Variants in PLXNA2 observed in about 807,000 individuals in gnomAD.
PLXNA2 encodes the protein plexin-A2.
A neutral mutation model predicts 193.5 loss-of-function variants in PLXNA2; 91 were observed. The observed-to-expected ratio is 0.47, with a 90% CI of 0.40 to 0.56. The LOEUF is 0.56. PLXNA2 is among the 20% of genes least tolerant of loss of function. The pLI is 0.00. For synonymous variants in PLXNA2, 997 were observed against 1,027.3 expected (o/e 0.97, Z 0.56); for missense variants, 1,995 against 2,503.2 (o/e 0.80, Z 4.33).
At chr1:208,159,049 T>C (rs950724147) in intron 3 of PLXNA2, among the ~76,000 whole-genome samples, 1 of 152,186 alleles carries the variant, frequency 6.6e-6, no homozygotes, top group African/African-American at 2.4e-5. Flanking sequence ...ACAGGCTAGC[T>C]GGGCGATGGT....
intron 3 of PLXNA2, among the ~76,000 whole-genome samples, chr1:208,169,645 G>A (rs919599525): frequency 6.6e-6 from 1 of 152,228 alleles, no homozygotes; most frequent in African/African-American, 2.4e-5. Flanking sequence ...AGAGATTCTG[G>A]AGTGGAAGAA....
Position 208,060,734 on chromosome 1 carries a change from G to A in PLXNA2, c.2690C>T (p.Ala897Val), listed in dbSNP as rs776140179. ...FSEIAHHVQVAGVPCTPLPGE... is the reference protein window; with the variant it reads ...FSEIAHHVQVVGVPCTPLPGE... ...TGGGAGGGGCGTGCAGGGCACCCCA[G>A]CCACCTGCACATGGTGGGCGATCTC... The change falls in exon 13 of 32, where the codon GCT becomes GTT. Residue 897 changes from alanine (A) to valine (V), a missense_variant. Ala to Val is a moderately conservative substitution (Grantham distance 64). Transcript: ENST00000367033. 6.2e-7 allele frequency: 1 copy of A among 1,614,042 alleles called. No individual in the cohort carries two copies. The highest frequency in any genetic ancestry group is 8.5e-7 in the Non-Finnish European group (1 of 1,179,942).
Position 208,217,106 on chromosome 1 carries a change from C to A in PLXNA2, c.817G>T (p.Asp273Tyr). 1 of 1,614,160 alleles carries A rather than the reference C, an allele frequency of 6.2e-7. No individual in the cohort carries two copies. Among genetic ancestry groups the A allele is most frequent in the Non-Finnish European group, 8.5e-7 (1 of 1,180,040 alleles). ...ACGATGCGTGAGGTGTAGAAGAGGT[C>A]TCCAGCGGAGTTGATGGCCACACCC... is the stretch of plus-strand genomic sequence containing the variant. ...PEGVAINSAGDLFYTSRIVRL... is the reference protein window; with the variant it reads ...PEGVAINSAGYLFYTSRIVRL... The change falls in exon 2 of 32, where the codon GAC becomes TAC. Residue 273 changes from aspartate (D) to tyrosine (Y), a missense_variant. Physicochemically the swap from Asp to Tyr is radical, Grantham distance 160 (BLOSUM62 -3). Coordinates refer to ENST00000367033, the MANE Select transcript of PLXNA2 (RefSeq NM_025179.4). This position sits in a 1 kb window ranked among gnomAD's most constrained non-coding sequence, Gnocchi z 4.7.
intron 16 of PLXNA2, 71 bp from the exon 17 acceptor site, chr1:208,051,173 G>C: frequency 6.3e-7 from 1 of 1,592,470 alleles, no homozygotes; most frequent in Non-Finnish European, 8.6e-7. Flanking sequence ...TCCACCTTAG[G>C]GATCCCTCTC....
At chr1:208,135,126 G>A (rs974410429) in intron 4 of PLXNA2, among the ~76,000 whole-genome samples, 4 of 151,958 alleles carry the variant, frequency 2.6e-5, no homozygotes, top group East Asian at 3.9e-4. Flanking sequence ...CAGATACTGC[G>A]TAGGGTCTTC....
At chr1:208,188,754 C>T (rs1356790570) in intron 3 of PLXNA2, among the ~76,000 whole-genome samples, 3 of 151,448 alleles carry the variant, frequency 2.0e-5, no homozygotes, top group Non-Finnish European at 4.4e-5. Flanking sequence ...TGAATCCCAA[C>T]CTCTCAAGCT....
intron 28 of PLXNA2, among the ~76,000 whole-genome samples, chr1:208,032,553 A>G (rs1362013179): frequency 6.6e-6 from 1 of 152,240 alleles, no homozygotes; most frequent in Non-Finnish European, 1.5e-5. Flanking sequence ...TTAAAACTTC[A>G]GTGCCATTGT....
At chr1:208,036,364 G>T (rs552788131) in intron 26 of PLXNA2, among the ~76,000 whole-genome samples, 4 of 152,116 alleles carry the variant, frequency 2.6e-5, no homozygotes, top group African/African-American at 7.2e-5. Flanking sequence ...TCACTAAACC[G>T]CTCCTGTCCT....
chr1:208,174,044 T>C (rs1669580835), intron 3 of PLXNA2, among the ~76,000 whole-genome samples: 3 of 152,178 alleles, frequency 2.0e-5, no homozygotes. Flanking sequence ...GAAGAGAAGT[T>C]GGTGGAATAT....
At chr1:208,086,638 C>T (rs889275294) in intron 9 of PLXNA2, among the ~76,000 whole-genome samples, 29 of 152,086 alleles carry the variant, frequency 1.9e-4, no homozygotes, top group South Asian at 6.2e-4. Context: ...ACGGCATCCA[C>T]GAGAGAGAAT....
chr1:208,142,183 G>T, intron 4 of PLXNA2, 146 bp downstream of exon 4: 1 of 836,612 alleles, frequency 1.2e-6, no homozygotes, highest in Non-Finnish European at 1.7e-6. Context: ...CCCTGCAAAA[G>T]CCTACAGGCA....
intron 3 of PLXNA2, among the ~76,000 whole-genome samples, chr1:208,193,152 C>A (rs181385690): frequency 7.4e-4 from 112 of 152,314 alleles, no homozygotes; most frequent in Non-Finnish European, 1.2e-3. Context: ...TTGGCTGCTG[C>A]AGCACAGTGA....
At position 208,162,435 on chromosome 1, in the gene PLXNA2, G is replaced by A. The variant is rs117066883; in HGVS notation, c.1372-19972C>T. On this transcript the variant is annotated intron_variant, in intron 3 of 31. Transcript: ENST00000367033. Reference sequence around the variant, plus strand: ...TTTGGGCAAGTCCTTCAGTTTATTGGGCCTCAGTTGACTGATATATAAAAT... The same window carrying A: ...TTTGGGCAAGTCCTTCAGTTTATTGAGCCTCAGTTGACTGATATATAAAAT... Among the ~76,000 whole-genome samples the A allele has an allele frequency of 1.1e-3, 162 of 152,266 alleles. 1 individual carries two copies. In the East Asian group the frequency reaches 0.02, roughly 19 times the overall value.
intron 11 of PLXNA2, among the ~76,000 whole-genome samples, chr1:208,080,822 C>T (rs1451502585): frequency 6.6e-6 from 1 of 152,188 alleles, no homozygotes; most frequent in Non-Finnish European, 1.5e-5. Context: ...CTCCACTTCA[C>T]AGATAAGGAG....
At chr1:208,184,718 G>A (rs1439005758) in intron 3 of PLXNA2, among the ~76,000 whole-genome samples, 2 of 152,116 alleles carry the variant, frequency 1.3e-5, no homozygotes, top group African/African-American at 4.8e-5. Context: ...CACATTAAGA[G>A]ATCCGCTGGT....
intron 1 of PLXNA2, among the ~76,000 whole-genome samples, chr1:208,224,510 G>A (rs910624508): frequency 2.0e-5 from 3 of 151,592 alleles, no homozygotes; most frequent in African/African-American, 7.3e-5. Context: ...TTATGCACGC[G>A]ATTTAAAGGG....
In PLXNA2 at chr1:208,121,470, T is replaced by C. The variant is rs189825295; in HGVS notation, c.1507-18223A>G. ...AAAGGCAGGACCAGGTGGAGGTAAT[T>C]GAATCATGGGGGTGGTTTCCCTCAT... On this transcript the variant is annotated intron_variant, in intron 4 of 31. Transcript: ENST00000367033. Among the ~76,000 whole-genome samples the C allele has an allele frequency of 1.9e-3, 282 of 152,260 alleles. 2 individuals carry two copies. The highest frequency in any genetic ancestry group is 6.5e-3 in the African/African-American group (271 of 41,552).
At chr1:208,157,569 G>A (rs1038369876) in intron 3 of PLXNA2, among the ~76,000 whole-genome samples, 3 of 152,190 alleles carry the variant, frequency 2.0e-5, no homozygotes, top group African/African-American at 7.2e-5. Flanking sequence ...GATGTTGTAA[G>A]TGAGGGGCTG....
rs143917516 is a variant in PLXNA2 at position 208,218,749 on chromosome 1, C to T, written c.-80-747G>A. ...GCCATTCCGGAGCCGGAAAAGCCCT[C>T]GGGAGACAGGCAGATCTCTTGAGAT... is the stretch of plus-strand genomic sequence containing the variant. On this transcript the variant is annotated intron_variant, in intron 1 of 31. Transcript: ENST00000367033. Among the ~76,000 whole-genome samples the T allele has an allele frequency of 8.5e-3, 1,296 of 152,322 alleles. 21 individuals carry two copies. The highest frequency in any genetic ancestry group is 0.03 in the African/African-American group (1,248 of 41,564).
Sources: allele counts gnomAD v4.1 joint callset (sites outside exome capture counted in the v4.1 genomes callset), GRCh38; gene constraint gnomAD v4.1.1; non-coding constraint Gnocchi (gnomAD v3.1); transcripts MANE v1.5; gene names NCBI Gene and HGNC (gene_info 2026-07-23, HGNC 2026-07-21).